UNC5B: variants seen among roughly 807,000 people sequenced by gnomAD.
UNC5B encodes the protein netrin receptor UNC5B.
In UNC5B, 56 loss-of-function variants were observed where a neutral mutation model predicts 103.7. That is an observed-to-expected ratio of 0.54 (90% CI 0.44 to 0.67). The LOEUF is 0.67. UNC5B is among the 30% of genes least tolerant of loss of function. The pLI, the probability that UNC5B is intolerant of heterozygous loss-of-function variation, is 0.00. For synonymous variants in UNC5B, 577 were observed against 542.0 expected (o/e 1.06, Z -0.90); for missense variants, 1,194 against 1,284.5 (o/e 0.93, Z 1.08).
At chr10:71,290,800 C>G (rs1226838993) in intron 8 of UNC5B, 115 bp from the exon 9 acceptor site, 1 of 1,300,198 alleles carries the variant, frequency 7.7e-7, no homozygotes, top group East Asian at 2.4e-5. Flanking sequence ...CAGACTGGAA[C>G]TCAGCACCGG....
At chr10:71,219,570 C>T (rs1391966413) in intron 1 of UNC5B, among the ~76,000 whole-genome samples, 2 of 152,272 alleles carry the variant, frequency 1.3e-5, no homozygotes, top group East Asian at 3.9e-4. Context: ...CTTTCCCAGC[C>T]CACTGACTCA....
At position 71,284,755 on chromosome 10, in the gene UNC5B, C is replaced by G; in HGVS notation, c.340C>G (p.Arg114Gly). The G allele has an allele frequency of 6.3e-7, 1 of 1,599,002 alleles. No homozygotes were observed. The highest frequency in any genetic ancestry group is 8.5e-7 in the Non-Finnish European group (1 of 1,173,480). ...RVREVQIEVS[R>G]QQVEELFGLE... ...GCGCGAGGTGCAGATCGAGGTGTCG[C>G]GGCAGCAGGTGGAGGAGCTCTTTGG... The change falls in exon 3 of 17, where the codon CGG (arginine) becomes GGG (glycine). Residue 114 changes from arginine (R) to glycine (G), a missense_variant. Coordinates refer to ENST00000335350, the MANE Select transcript of UNC5B (RefSeq NM_170744.5).
intron 1 of UNC5B, among the ~76,000 whole-genome samples, chr10:71,235,334 G>A (rs1188707952): frequency 6.6e-6 from 1 of 152,202 alleles, no homozygotes; most frequent in Non-Finnish European, 1.5e-5. Context: ...GGGCTTGATG[G>A]TCATTTGCTG....
chr10:71,258,964 A>G (rs1844353057), intron 1 of UNC5B, among the ~76,000 whole-genome samples: 1 of 152,282 alleles, frequency 6.6e-6, no homozygotes, highest in Non-Finnish European at 1.5e-5. Flanking sequence ...GCTGAGCCTC[A>G]GGGCAGGCAG....
intron 1 of UNC5B, among the ~76,000 whole-genome samples, chr10:71,250,942 T>G (rs1403468122): frequency 2.0e-5 from 3 of 152,218 alleles, no homozygotes; most frequent in African/African-American, 7.2e-5. Context: ...AGTTCAGGGA[T>G]GGCAAGTAGG....
intron 3 of UNC5B, 133 bp from the exon 4 acceptor site, chr10:71,285,193 T>TC: frequency 1.0e-6 from 1 of 980,018 alleles, no homozygotes; most frequent in Non-Finnish European, 1.5e-6. Flanking sequence ...AGAGGAAATT[T>TC]CCCAGGCAAA....
At position 71,212,904 on chromosome 10, in the gene UNC5B, G is replaced by C. The variant is rs544301908; in HGVS notation, c.-82G>C. The C allele has an allele frequency of 2.3e-5, 26 of 1,127,604 alleles. No homozygotes were observed. In the South Asian group the frequency reaches 9.1e-4, roughly 40 times the overall value. 69.8% of individuals were successfully genotyped at this position (1,127,604 alleles called of 1,614,324 possible). A position where few individuals can be genotyped will look rare whatever the true frequency, so the allele number is the denominator to read the frequency against. ...CGGGGAGGACGGCGAGGAGGAGGCGGCGGCGGCGGAGACGGCGGCGGCGAG... is the reference window on the plus strand; with the variant it reads ...CGGGGAGGACGGCGAGGAGGAGGCGCCGGCGGCGGAGACGGCGGCGGCGAG... On this transcript the variant is annotated 5_prime_UTR_variant, in exon 1 of 17. Coordinates refer to ENST00000335350, the MANE Select transcript of UNC5B (RefSeq NM_170744.5).
Position 71,279,923 on chromosome 10 carries a change from A to G in UNC5B, c.182A>G (p.Lys61Arg). 2 of 1,614,018 alleles carry G rather than the reference A, an allele frequency of 1.2e-6. No individual in the cohort carries two copies. The highest frequency in any genetic ancestry group is 1.7e-6 in the Non-Finnish European group (2 of 1,180,024). Residue 61 changes from lysine to arginine, a missense_variant, in exon 2 of 17, where the codon AAG (lysine) becomes AGG (arginine). Coordinates refer to ENST00000335350, the MANE Select transcript of UNC5B (RefSeq NM_170744.5). ...LQEPQDAYIVKNKPVELRCRA... is the reference protein window; with the variant it reads ...LQEPQDAYIVRNKPVELRCRA... ...GAGCCACAGGACGCCTACATTGTGA[A>G]GAACAAGCCTGTGGAGCTCCGCTGC... is the stretch of plus-strand genomic sequence containing the variant.
At chr10:71,264,490 G>C (rs537053292) in intron 1 of UNC5B, among the ~76,000 whole-genome samples, 3 of 152,342 alleles carry the variant, frequency 2.0e-5, no homozygotes, top group African/African-American at 7.2e-5. Context: ...AGCAGGTCCT[G>C]ATTCCGGCTC....
At chr10:71,255,853 A>G (rs1844278307) in intron 1 of UNC5B, among the ~76,000 whole-genome samples, 1 of 152,214 alleles carries the variant, frequency 6.6e-6, no homozygotes, top group Non-Finnish European at 1.5e-5. Context: ...TCTCTGTCCA[A>G]CAACAAAAGG....
chr10:71,219,857 G>A (rs1004659816), intron 1 of UNC5B, among the ~76,000 whole-genome samples: 3 of 152,236 alleles, frequency 2.0e-5, no homozygotes, highest in African/African-American at 7.2e-5. Context: ...AAGGCATGGG[G>A]CTTCCTGGGG....
chr10:71,225,506 C>G (rs375957131), intron 1 of UNC5B, among the ~76,000 whole-genome samples: 11 of 152,174 alleles, frequency 7.2e-5, no homozygotes, highest in African/African-American at 2.7e-4. Context: ...CATCCCAGAG[C>G]GGAGGAGGCC....
chr10:71,244,802 G>A (rs934657833), intron 1 of UNC5B, among the ~76,000 whole-genome samples: 8 of 152,206 alleles, frequency 5.3e-5, no homozygotes, highest in African/African-American at 1.2e-4. Context: ...GCCTGTGTGC[G>A]CCGAACTGGT....
chr10:71,252,759 G>T (rs1844202052), intron 1 of UNC5B, among the ~76,000 whole-genome samples: 1 of 152,176 alleles, frequency 6.6e-6, no homozygotes, highest in African/African-American at 2.4e-5. Flanking sequence ...GACGGCACCT[G>T]CAAGGAGAGG....
In UNC5B at chr10:71,291,016, C is replaced by A. The variant is rs554096883; in HGVS notation, c.1201C>A (p.Arg401Ser). ...LMAVGVVVYR[R>S]NCRDFDTDIT... is the part of the protein sequence containing the mutation. ...GGCGGTGGGGGTGGTGGTGTACCGC[C>A]GCAACTGCCGTGACTTCGACACAGA... Residue 401 changes from arginine to serine, a missense_variant, in exon 9 of 17, where the codon CGC (arginine) becomes AGC (serine). Physicochemically the swap from Arg to Ser is moderately radical, Grantham distance 110 (BLOSUM62 -1). Transcript: ENST00000335350. 3 of 1,613,980 alleles carry A rather than the reference C, an allele frequency of 1.9e-6. No individual in the cohort carries two copies. The highest frequency in any genetic ancestry group is 1.7e-5 in the Admixed American group (1 of 60,004).
At chr10:71,293,600 C>T (rs750099404) in intron 12 of UNC5B, 27 bp downstream of exon 12, 15 of 1,613,092 alleles carry the variant, frequency 9.3e-6, no homozygotes, top group African/African-American at 1.3e-5. Flanking sequence ...AAGGCTGGCC[C>T]AGCTCTCCCA....
chr10:71,220,325 C>G (rs1025979416), intron 1 of UNC5B, among the ~76,000 whole-genome samples: 19 of 152,158 alleles, frequency 1.2e-4, no homozygotes, highest in African/African-American at 4.1e-4. Flanking sequence ...CTGCCCTGCC[C>G]CCACCAGAGA....
chr10:71,242,513 C>A (rs1313782883), intron 1 of UNC5B, among the ~76,000 whole-genome samples: 3 of 152,206 alleles, frequency 2.0e-5, no homozygotes, highest in African/African-American at 7.2e-5. Context: ...CTGGGCAGGG[C>A]CTGTCCACCC....
In UNC5B at chr10:71,214,262, C is replaced by G. The variant is rs952481803; in HGVS notation, c.79+1198C>G. Among the ~76,000 whole-genome samples the G allele has an allele frequency of 2.6e-5, 4 of 152,190 alleles. No individual in the cohort carries two copies. In the South Asian group the frequency reaches 6.2e-4, roughly 24 times the overall value. ...AAGTTGACATCCGCCCTTCCCCCCTCCATAGCCAAAGATTCCTCATTCTGG... is the reference window on the plus strand; with the variant it reads ...AAGTTGACATCCGCCCTTCCCCCCTGCATAGCCAAAGATTCCTCATTCTGG... On this transcript the variant is annotated intron_variant, in intron 1 of 16. Coordinates refer to ENST00000335350, the MANE Select transcript of UNC5B (RefSeq NM_170744.5).
Sources: gnomAD v4.1 joint callset for allele counts (sites outside exome capture counted in the v4.1 genomes callset) on GRCh38, gnomAD v4.1.1 for gene constraint, MANE v1.5 for transcripts, NCBI Gene and HGNC (gene_info 2026-07-23, HGNC 2026-07-21) for gene names.